The following DOCK1 variants were observed in gnomAD, a reference collection of about 807,000 sequenced individuals.
The protein encoded by DOCK1 is dedicator of cytokinesis 1.
In DOCK1, 138 loss-of-function variants were observed where a neutral mutation model predicts 262.7. The ratio of observed to expected loss-of-function variants is 0.53; its 90% CI spans 0.46 to 0.61. The LOEUF (loss-of-function observed/expected upper bound fraction) is 0.61. Ranked by LOEUF, DOCK1 falls within the 20% of genes least tolerant of loss-of-function variation. The pLI, the probability that DOCK1 is intolerant of heterozygous loss-of-function variation, is 0.00. For missense variants in DOCK1, 1,908 were observed against 2,370.7 expected, an observed-to-expected ratio of 0.80 and a Z score of 4.05; for synonymous variants, 866 against 867.4, an observed-to-expected ratio of 1.00 and a Z score of 0.03.
intron 27 of DOCK1, among the ~76,000 whole-genome samples, chr10:127,193,715 C>G (rs748825552): frequency 6.6e-6 from 1 of 152,176 alleles, no homozygotes; most frequent in Non-Finnish European, 1.5e-5. Flanking sequence ...ATGCCTTTCA[C>G]GTACAAGTCT....
chr10:126,990,477 G>A lies in DOCK1; in HGVS notation c.347G>A (p.Arg116Gln), dbSNP rs193160639. ...LYVQDNREMF[R>Q]SVRHMIYDLI... ...TAGCAAGATAACAGGGAGATGTTTCGAAGTGTGCGGCACATGATCTATGAC... is the reference window on the plus strand; with the variant it reads ...TAGCAAGATAACAGGGAGATGTTTCAAAGTGTGCGGCACATGATCTATGAC... Residue 116 changes from arginine to glutamine, a missense_variant, in exon 6 of 52, where the codon CGA (arginine) becomes CAA (glutamine). Coordinates refer to ENST00000623213, the MANE Select transcript of DOCK1 (RefSeq NM_001290223.2). 6.0e-5 allele frequency: 97 copies of A among 1,611,118 alleles called. No homozygotes were observed. The highest frequency in any genetic ancestry group is 8.4e-5 in the Admixed American group (5 of 59,712).
chr10:127,076,806 G>A (rs1042934421), intron 23 of DOCK1, among the ~76,000 whole-genome samples: 1 of 152,172 alleles, frequency 6.6e-6, no homozygotes, highest in East Asian at 1.9e-4. Context: ...CTACCCCAGG[G>A]CCTGTGCCTT....
intron 27 of DOCK1, among the ~76,000 whole-genome samples, chr10:127,142,514 A>G (rs942388595): frequency 6.6e-6 from 1 of 152,164 alleles, no homozygotes; most frequent in African/African-American, 2.4e-5. Context: ...GATTCAAAGC[A>G]TGAGTCTGAA....
chr10:127,196,726 A>AGAGGAGGAGGAG (rs376664476), intron 27 of DOCK1, among the ~76,000 whole-genome samples: 1 of 149,642 alleles, frequency 6.7e-6, no homozygotes, highest in African/African-American at 2.4e-5. Flanking sequence ...AGGAGGAGGA[A>AGAGGAGGAGGAG]GAGGAGGAGG....
At chr10:127,181,204 G>T (rs770538313) in intron 27 of DOCK1, among the ~76,000 whole-genome samples, 3 of 152,196 alleles carry the variant, frequency 2.0e-5, no homozygotes, top group Non-Finnish European at 4.4e-5. Flanking sequence ...ACGTGCCTGC[G>T]TATGTATTTG....
intron 1 of DOCK1, among the ~76,000 whole-genome samples, chr10:126,958,272 A>G (rs2134494627): frequency 6.6e-6 from 1 of 152,318 alleles, no homozygotes; most frequent in South Asian, 2.1e-4. Flanking sequence ...TACATGGCTC[A>G]TGGTGTTGAA....
intron 38 of DOCK1, chr10:127,402,645 G>A: frequency 1.9e-6 from 1 of 518,390 alleles, no homozygotes; most frequent in African/African-American, 1.9e-5. Context: ...AAAGAGCCAA[G>A]TCAGGCGCCC....
intron 21 of DOCK1, among the ~76,000 whole-genome samples, chr10:127,044,982 A>AG (rs1299323475): frequency 1.3e-5 from 2 of 152,108 alleles, no homozygotes; most frequent in African/African-American, 4.8e-5. Flanking sequence ...GGATCCCATG[A>AG]GGCCAGGAGT....
At chr10:127,369,321 T>C (rs2065086480) in intron 33 of DOCK1, among the ~76,000 whole-genome samples, 1 of 152,222 alleles carries the variant, frequency 6.6e-6, no homozygotes, top group Admixed American at 6.5e-5. Flanking sequence ...GTCAAAATAA[T>C]TCTTGCCTAA....
At chr10:126,929,076 A>G (rs2033989461) in intron 1 of DOCK1, among the ~76,000 whole-genome samples, 1 of 152,250 alleles carries the variant, frequency 6.6e-6, no homozygotes, top group African/African-American at 2.4e-5. Flanking sequence ...TAGATCCATC[A>G]GGTACAGGTG....
chr10:127,037,656 A>G (rs753755924), intron 18 of DOCK1, 63 bp from the exon 19 acceptor site: 2 of 1,414,562 alleles, frequency 1.4e-6, no homozygotes, highest in South Asian at 2.6e-5. Context: ...ATAATGCATG[A>G]TTAACAGAGA....
rs551491294 is a variant in DOCK1 at position 127,409,523 on chromosome 10, CTT to C, written c.4343+134_4343+135del. ...GCTTTCCAAATGCTCTTTCTGTCCT[CTT>C]TGAAGAGCAAGGGAAGCTAATTATT... On this transcript the variant is annotated intron_variant, in intron 42 of 51. Coordinates refer to ENST00000623213, the MANE Select transcript of DOCK1 (RefSeq NM_001290223.2). 1.2e-4 allele frequency: 111 copies of C among 908,590 alleles called. No homozygotes were observed. The East Asian group carries it at 2.8e-3, about 23-fold the overall frequency. The allele number at this position is 908,590 out of a possible 1,614,324, so 56.3% of individuals were successfully genotyped here.
intron 1 of DOCK1, among the ~76,000 whole-genome samples, chr10:126,911,465 C>T (rs945612772): frequency 6.6e-6 from 1 of 152,192 alleles, no homozygotes; most frequent in African/African-American, 2.4e-5. Flanking sequence ...GCTGACCGGG[C>T]ACATGCACCA....
chr10:127,443,366 C>A (rs1410328089), intron 49 of DOCK1, among the ~76,000 whole-genome samples: 1 of 152,040 alleles, frequency 6.6e-6, no homozygotes, highest in Non-Finnish European at 1.5e-5. Context: ...GTAGCATGGA[C>A]TCTGGGAGAG....
intron 18 of DOCK1, among the ~76,000 whole-genome samples, chr10:127,033,264 C>T (rs993463408): frequency 3.9e-5 from 6 of 152,168 alleles, no homozygotes; most frequent in African/African-American, 1.4e-4. Context: ...CCTGCTGACT[C>T]CCACACCCCA....
At chr10:127,431,424 A>G (rs2069281950) in intron 47 of DOCK1, among the ~76,000 whole-genome samples, 1 of 152,202 alleles carries the variant, frequency 6.6e-6, no homozygotes, top group African/African-American at 2.4e-5. Context: ...CTTGAAATCC[A>G]TACTCACACA....
chr10:127,239,181 G>A (rs926256436), intron 27 of DOCK1, among the ~76,000 whole-genome samples: 7 of 152,126 alleles, frequency 4.6e-5, no homozygotes, highest in African/African-American at 1.7e-4. Context: ...AATCACTTTG[G>A]TAGCTTATGT....
At chr10:127,238,742 G>A (rs1031078669) in intron 27 of DOCK1, among the ~76,000 whole-genome samples, 10 of 152,160 alleles carry the variant, frequency 6.6e-5, no homozygotes, top group Admixed American at 3.3e-4. Context: ...GAAGAAAGAC[G>A]TGACCCAGCC....
intron 25 of DOCK1, among the ~76,000 whole-genome samples, chr10:127,120,494 A>T (rs1021465071): frequency 2.0e-5 from 3 of 152,214 alleles, no homozygotes; most frequent in Non-Finnish European, 4.4e-5. Context: ...CTCTCTAAAT[A>T]TTACTAATGA....
Sources: gnomAD v4.1 joint callset for allele counts (sites outside exome capture counted in the v4.1 genomes callset) on GRCh38, gnomAD v4.1.1 for gene constraint, MANE v1.5 for transcripts, NCBI Gene and HGNC (gene_info 2026-07-23, HGNC 2026-07-21) for gene names.